Variants in RP1 observed in about 807,000 individuals in gnomAD.
The protein encoded by RP1 is RP1 axonemal microtubule associated.
A neutral mutation model predicts 14.8 loss-of-function variants in RP1; 16 were observed. That is an observed-to-expected ratio of 1.08 (90% CI 0.73 to 1.65). The LOEUF is 1.65. Ranked by LOEUF, RP1 falls within the 40% of genes most tolerant of loss-of-function variation. RP1 has a pLI of 0.00. For synonymous variants in RP1, 876 were observed against 883.6 expected (o/e 0.99, Z 0.15); for missense variants, 2,631 against 2,535.0 (o/e 1.04, Z -0.81).
chr8:54,870,736 C>T (rs1198181360), exon 29 of RP1: 1 of 152,140 alleles, frequency 6.6e-6, no homozygotes, highest in Non-Finnish European at 1.5e-5. Context: ...CAGGATGTAG[C>T]TTTTGATATC....
At chr8:54,779,903 G>A (rs1810140542) in intron 23 of RP1, among the ~76,000 whole-genome samples, 2 of 152,182 alleles carry the variant, frequency 1.3e-5, no homozygotes, top group Admixed American at 1.3e-4. Flanking sequence ...AGCTATTCTA[G>A]TTATCTATTG....
chr8:54,687,173 G>A (rs1232863485), intron 12 of RP1, among the ~76,000 whole-genome samples: 2 of 152,098 alleles, frequency 1.3e-5, no homozygotes, highest in Non-Finnish European at 2.9e-5. Flanking sequence ...GCAGTGGTTT[G>A]AAGAAAAACA....
intron 27 of RP1, among the ~76,000 whole-genome samples, chr8:54,862,818 C>T (rs1812374889): frequency 6.6e-6 from 1 of 152,048 alleles, no homozygotes; most frequent in South Asian, 2.1e-4. Flanking sequence ...TCATCTGTGG[C>T]TGCAGAGACA....
intron 24 of RP1, among the ~76,000 whole-genome samples, chr8:54,830,149 C>T (rs77147420): frequency 0.039 from 5,998 of 152,152 alleles, 152 homozygotes; most frequent in African/African-American, 0.068. Flanking sequence ...AATATGATTG[C>T]GTATTAGTCT....
Position 54,626,750 on chromosome 8 carries a change from T to A in RP1, c.2868T>A (p.Asp956Glu), listed in dbSNP as rs1806065226. 6.2e-7 allele frequency: 1 copy of A among 1,613,748 alleles called. No homozygotes were observed. The highest frequency in any genetic ancestry group is 1.1e-5 in the South Asian group (1 of 91,072). Residue 956 changes from aspartate to glutamate, a missense_variant, in exon 4 of 4, where the codon GAT becomes GAA. Physicochemically the swap from Asp to Glu is conservative, Grantham distance 45. Transcript: ENST00000220676. The part of the protein sequence containing the change: ...NCSNNSFSGN[D>E]PHTNSGKISN... ...GCAATAATAGTTTTTCAGGGAATGA[T>A]CCCCATACAAATTCTGGAAAAATAA...
At chr8:54,845,790 G>A (rs998195019) in intron 25 of RP1, among the ~76,000 whole-genome samples, 6 of 152,130 alleles carry the variant, frequency 3.9e-5, no homozygotes, top group African/African-American at 1.2e-4. Flanking sequence ...TGAGGCAGCC[G>A]CCTGCTCCTT....
At chr8:54,561,371 A>G (rs1187731584) in intron 1 of RP1, among the ~76,000 whole-genome samples, 1 of 152,218 alleles carries the variant, frequency 6.6e-6, no homozygotes, top group African/African-American at 2.4e-5. Context: ...TGTTTAAATT[A>G]CTTGTCATCG....
intron 16 of RP1, among the ~76,000 whole-genome samples, chr8:54,725,212 A>T (rs1808625574): frequency 6.6e-6 from 1 of 152,220 alleles, no homozygotes; most frequent in African/African-American, 2.4e-5. Context: ...TTAGTTATAT[A>T]TAAGAATCTT....
chr8:54,722,283 T>C (rs1387737451), intron 16 of RP1, among the ~76,000 whole-genome samples: 1 of 149,826 alleles, frequency 6.7e-6, no homozygotes, highest in African/African-American at 2.5e-5. Context: ...TTTGTGTGTG[T>C]GTGTGTGTGA....
intron 26 of RP1, among the ~76,000 whole-genome samples, chr8:54,852,944 G>T (rs774788415): frequency 1.3e-5 from 2 of 152,190 alleles, no homozygotes; most frequent in African/African-American, 2.4e-5. Context: ...CTTCCAGATA[G>T]GGCAGACTCA....
At chr8:54,745,491 A>G (rs1809200632) in intron 19 of RP1, among the ~76,000 whole-genome samples, 1 of 152,202 alleles carries the variant, frequency 6.6e-6, no homozygotes, top group Admixed American at 6.5e-5. Context: ...AGAAACAAAA[A>G]TGAGTTTTTA....
intron 16 of RP1, chr8:54,720,340 T>A: frequency 6.6e-7 from 1 of 1,519,070 alleles, no homozygotes; most frequent in Non-Finnish European, 8.8e-7. Flanking sequence ...GATTTTTGGT[T>A]TGCTTTATGA....
intron 17 of RP1, among the ~76,000 whole-genome samples, chr8:54,729,134 T>G (rs1475506419): frequency 6.6e-6 from 1 of 152,246 alleles, no homozygotes; most frequent in Non-Finnish European, 1.5e-5. Flanking sequence ...TATGATTTGA[T>G]GCTCTGAACT....
At position 54,715,183 on chromosome 8, in the gene RP1, G is replaced by C. The variant is rs747368093; in HGVS notation, c.2212-4946G>C. Among the ~76,000 whole-genome samples, 18 of 152,236 alleles carry C rather than the reference G, an allele frequency of 1.2e-4. 1 individual carries two copies. The highest frequency in any genetic ancestry group is 3.9e-4 in the African/African-American group (16 of 41,460). On this transcript the variant is annotated intron_variant, in intron 15 of 22. Coordinates refer to the RP1 transcript ENST00000636932. The stretch of plus-strand genomic sequence containing the variant: ...TTCTACTGCAACAGAGCCAAATAGA[G>C]GGAAATGGGCATTAGATGTTATGGT...
At chr8:54,752,537 T>C (rs188324005) in intron 19 of RP1, among the ~76,000 whole-genome samples, 54 of 152,352 alleles carry the variant, frequency 3.5e-4, no homozygotes, top group African/African-American at 1.3e-3. Flanking sequence ...TTGACAATCA[T>C]TTGTATTCAT....
intron 1 of RP1, among the ~76,000 whole-genome samples, chr8:54,585,283 TG>T (rs1804894158): frequency 1.3e-5 from 2 of 152,240 alleles, no homozygotes; most frequent in African/African-American, 2.4e-5. Context: ...TATGAAATTC[TG>T]GGTTGAAAAT....
At chr8:54,823,194 C>A (rs1284418539) in intron 24 of RP1, among the ~76,000 whole-genome samples, 3 of 152,136 alleles carry the variant, frequency 2.0e-5, no homozygotes, top group Non-Finnish European at 2.9e-5. Context: ...CCTTTACAGT[C>A]ACAGCTCCCC....
chr8:54,803,818 C>T (rs1470964624), intron 24 of RP1, among the ~76,000 whole-genome samples: 2 of 151,850 alleles, frequency 1.3e-5, no homozygotes, highest in Admixed American at 1.3e-4. Context: ...GCCTATAATC[C>T]CAGCACTTTG....
chr8:54,605,765 G>C (rs548550426), intron 1 of RP1, among the ~76,000 whole-genome samples: 2 of 152,284 alleles, frequency 1.3e-5, no homozygotes, highest in African/African-American at 4.8e-5. Context: ...GGCTCTTCTT[G>C]TTGAATTGAT....
Sources: allele counts gnomAD v4.1 joint callset (sites outside exome capture counted in the v4.1 genomes callset), GRCh38; gene constraint gnomAD v4.1.1; transcripts MANE v1.5; gene names NCBI Gene and HGNC (gene_info 2026-07-23, HGNC 2026-07-21).